The following VWF variants were observed in gnomAD, a reference collection of about 807,000 sequenced individuals.
VWF encodes Factor VIII related antigen.
In VWF, 176 loss-of-function variants were observed where a neutral mutation model predicts 308.6. That is an observed-to-expected ratio of 0.57 (90% CI 0.50 to 0.65). The LOEUF is 0.65. Ranked by LOEUF, VWF falls within the 30% of genes least tolerant of loss-of-function variation. VWF has a pLI of 0.00. For missense variants in VWF, 3,146 were observed against 3,648.2 expected (o/e 0.86, Z 3.55); for synonymous variants, 1,385 against 1,443.4 (o/e 0.96, Z 0.92).
At chr12:5,983,353 A>G (rs1242989874) in intron 40 of VWF, 99 bp from the exon 41 acceptor site, 56 of 1,200,692 alleles carry the variant, frequency 4.7e-5, no homozygotes, top group Non-Finnish European at 5.6e-5. Context: ...GCAGACTTCT[A>G]CTGTTTTAGG....
chr12:6,073,890 C>A, intron 7 of VWF, 149 bp from the exon 8 acceptor site: 1 of 1,237,714 alleles, frequency 8.1e-7, no homozygotes, highest in Non-Finnish European at 1.1e-6. Context: ...CCCAGTGAGC[C>A]ACGTGCCCCC....
chr12:6,018,624 C>T lies in VWF; in HGVS notation c.4794G>A (p.Glu1598=), dbSNP rs764348317. ...HSFLVSQGDR[E]QAPNLVYMVT... ...CCATGTAGACCAGGTTGGGCGCCTG[C>T]TCCCGGTCACCCTGGCTGACCAAGA... The change falls in exon 28 of 52, where the codon GAG becomes GAA. Residue 1598 remains glutamate (E), a synonymous_variant. Transcript: ENST00000261405. The T allele has an allele frequency of 2.5e-6, 4 of 1,614,098 alleles. No homozygotes were observed. The East Asian group carries it at 8.9e-5, about 36-fold the overall frequency.
chr12:6,053,506 C>T (rs550088469), intron 15 of VWF, among the ~76,000 whole-genome samples: 2 of 152,298 alleles, frequency 1.3e-5, no homozygotes, highest in African/African-American at 4.8e-5. Context: ...CCTACCACAG[C>T]GAAATGGGCT....
intron 5 of VWF, among the ~76,000 whole-genome samples, chr12:6,102,510 G>A (rs1397168331): frequency 1.3e-5 from 2 of 152,154 alleles, no homozygotes; most frequent in Non-Finnish European, 2.9e-5. Flanking sequence ...GCCGAGGCAG[G>A]CGGATCACGA....
rs200629790 is a variant in VWF, at chr12:5,952,343, G to T, written c.8115+48C>A. 289 of 1,611,904 alleles carry T rather than the reference G, an allele frequency of 1.8e-4. 1 individual carries two copies. The African/African-American group carries it at 2.9e-3, about 16-fold the overall frequency. On this transcript the variant is annotated intron_variant, in intron 49 of 51. Transcript: ENST00000261405. Reference sequence around the variant, plus strand: ...GATGCACACTATTCAGAAGAATCTTGTTCTTAGAGATTGAGACAGTAAAGA... The same window carrying T: ...GATGCACACTATTCAGAAGAATCTTTTTCTTAGAGATTGAGACAGTAAAGA...
chr12:5,987,687 C>T (rs1382850157), intron 38 of VWF, among the ~76,000 whole-genome samples: 4 of 152,268 alleles, frequency 2.6e-5, no homozygotes, highest in African/African-American at 9.6e-5. Context: ...TCAAAACAGA[C>T]AGCATCATGG....
At chr12:6,115,309 G>A (rs1460698676) in intron 3 of VWF, among the ~76,000 whole-genome samples, 1 of 152,178 alleles carries the variant, frequency 6.6e-6, no homozygotes, top group African/African-American at 2.4e-5. Flanking sequence ...AAAGCATTGG[G>A]ATTATAGGCA....
chr12:5,950,282 T>G (rs1943170571), intron 50 of VWF, among the ~76,000 whole-genome samples: 1 of 152,116 alleles, frequency 6.6e-6, no homozygotes, highest in Non-Finnish European at 1.5e-5. Flanking sequence ...ATAATTACTA[T>G]CTCTTCATTC....
intron 6 of VWF, among the ~76,000 whole-genome samples, chr12:6,094,085 G>A (rs945290432): frequency 9.8e-5 from 15 of 152,332 alleles, no homozygotes; most frequent in African/African-American, 3.1e-4. Flanking sequence ...AGGGAATGCC[G>A]CTGCCACCCA....
intron 51 of VWF, 140 bp downstream of exon 51, chr12:5,949,646 T>TA (rs200513875): frequency 9.5e-4 from 855 of 900,612 alleles, no homozygotes; most frequent in East Asian, 2.8e-3. Flanking sequence ...AACATTTGCT[T>TA]AAAAAAAAAT....
intron 42 of VWF, among the ~76,000 whole-genome samples, chr12:5,980,772 TA>T (rs1392487383): frequency 6.6e-6 from 1 of 151,452 alleles, no homozygotes; most frequent in Admixed American, 6.6e-5. Context: ...GTTCCAGCCC[TA>T]ACAGGCTCCA....
rs1311903183 is a variant in VWF at position 6,036,405 on chromosome 12, C to A, written c.2529G>T (p.Lys843Asn). 3 of 1,614,232 alleles carry A rather than the reference C, an allele frequency of 1.9e-6. No homozygotes were observed. Among genetic ancestry groups the A allele is most frequent in the Non-Finnish European group, 1.7e-6 (2 of 1,180,032 alleles). Residue 843 changes from lysine (K) to asparagine (N), a missense_variant, in exon 19 of 52, where the codon AAG becomes AAT. By Grantham distance (94) the Lys-to-Asn change is moderately conservative. This residue lies in a region of VWF where 1,304 missense variants were observed against 1,353.0 expected (regional missense o/e 0.96). Transcript: ENST00000261405. ...AGCCTCACCAAGTGTTGCAGCCAAT[C>A]TTCACTGTTTCTCCAGGGGCATACT... ...GKEYAPGETV[K>N]IGCNTCVCQD...
At position 5,970,078 on chromosome 12, in the gene VWF, A is replaced by G. The variant is rs899388450; in HGVS notation, c.7549-687T>C. Among the ~76,000 whole-genome samples, 3 of 152,148 alleles carry G rather than the reference A, an allele frequency of 2.0e-5. 1 individual carries two copies. Among genetic ancestry groups the G allele is most frequent in the African/African-American group, 7.2e-5 (3 of 41,424 alleles). Reference sequence around the variant, plus strand: ...GTGCCTGCTTATTTCTTCTCCTTCCAGATGAGGTGTAGAAAATGCCAAACA... The same window carrying G: ...GTGCCTGCTTATTTCTTCTCCTTCCGGATGAGGTGTAGAAAATGCCAAACA... On this transcript the variant is annotated intron_variant, in intron 44 of 51. Transcript: ENST00000261405.
chr12:6,068,835 C>T (rs190453935), intron 10 of VWF, among the ~76,000 whole-genome samples: 2,531 of 91,008 alleles, frequency 0.028, 148 homozygotes, highest in African/African-American at 0.12. Context: ...TTTTTTTTTG[C>T]GTGTGTGTGT....
At chr12:6,016,688 G>T (rs772274770) in intron 29 of VWF, 32 bp from the exon 30 acceptor site, 1 of 1,614,228 alleles carries the variant, frequency 6.2e-7, no homozygotes, top group East Asian at 2.2e-5. Flanking sequence ...GGATTATTTT[G>T]AATCAAGTAG....
chr12:6,079,225 T>C (rs1361659965), intron 6 of VWF, among the ~76,000 whole-genome samples: 1 of 152,196 alleles, frequency 6.6e-6, no homozygotes, highest in Non-Finnish European at 1.5e-5. Context: ...ATGGCATGTT[T>C]AGGTGGCTAT....
chr12:6,101,515 G>A (rs1375932716), intron 5 of VWF, among the ~76,000 whole-genome samples: 5 of 152,124 alleles, frequency 3.3e-5, no homozygotes, highest in Admixed American at 1.3e-4. Flanking sequence ...GGTGGCTCAC[G>A]CCTGTAATCT....
chr12:5,995,888 G>T, intron 35 of VWF, 114 bp downstream of exon 35: 1 of 970,686 alleles, frequency 1.0e-6, no homozygotes. Context: ...CTCCACTTAA[G>T]CAGAAGGCAG....
intron 5 of VWF, among the ~76,000 whole-genome samples, chr12:6,101,603 C>T (rs11836182): frequency 0.018 from 2,783 of 151,804 alleles, 75 homozygotes; most frequent in African/African-American, 0.063. Context: ...GGTGAAACCC[C>T]GTCTCTATTA....
Sources: gnomAD v4.1 joint callset for allele counts (sites outside exome capture counted in the v4.1 genomes callset) on GRCh38, gnomAD v4.1.1 for gene constraint, gnomAD v4.1.1 regional missense constraint, MANE v1.5 for transcripts, NCBI Gene and HGNC (gene_info 2026-07-23, HGNC 2026-07-21) for gene names.